Variants in TANC2 observed in about 807,000 individuals in gnomAD.
The protein encoded by TANC2 is tetratricopeptide repeat, ankyrin repeat and coiled-coil containing 2, also known as protein TANC2.
In TANC2, 26 loss-of-function variants were observed where a neutral mutation model predicts 210.5. The observed-to-expected ratio is 0.12, with a 90% CI of 0.09 to 0.17. TANC2 has a LOEUF of 0.17. Ranked by LOEUF, TANC2 falls within the 10% of genes least tolerant of loss-of-function variation. TANC2 has a pLI of 1.00. For synonymous variants in TANC2, 931 were observed against 967.1 expected (o/e 0.96, Z 0.69); for missense variants, 2,129 against 2,608.9 (o/e 0.82, Z 4.01).
At chr17:63,324,176 T>G (rs1490698819) in intron 11 of TANC2, among the ~76,000 whole-genome samples, 2 of 152,198 alleles carry the variant, frequency 1.3e-5, no homozygotes, top group African/African-American at 4.8e-5. Context: ...TCACTGACAG[T>G]CCTTAGATTA....
intron 5 of TANC2, among the ~76,000 whole-genome samples, chr17:63,167,441 T>C (rs1378567685): frequency 2.6e-5 from 4 of 152,148 alleles, no homozygotes; most frequent in African/African-American, 9.7e-5. Context: ...CAGTGAATGT[T>C]ATTTTCTTTT....
chr17:63,163,446 A>T (rs1204710580), intron 5 of TANC2, among the ~76,000 whole-genome samples: 1 of 152,158 alleles, frequency 6.6e-6, no homozygotes, highest in African/African-American at 2.4e-5. Flanking sequence ...ATCTTCAAAG[A>T]ATGAGTGGTC....
intron 7 of TANC2, among the ~76,000 whole-genome samples, chr17:63,222,243 A>C (rs151043894): frequency 6.6e-6 from 1 of 152,112 alleles, no homozygotes; most frequent in South Asian, 2.1e-4. Flanking sequence ...CCTACCTCCT[A>C]ATACCATCAC....
intron 17 of TANC2, 92 bp from the exon 18 acceptor site, chr17:63,395,650 AG>A: frequency 8.6e-7 from 1 of 1,164,174 alleles, no homozygotes. Context: ...GATGATTCTT[AG>A]TAGCCTAGGC....
At chr17:63,244,913 A>T (rs2042875464) in intron 8 of TANC2, among the ~76,000 whole-genome samples, 1 of 152,116 alleles carries the variant, frequency 6.6e-6, no homozygotes, top group South Asian at 2.1e-4. Context: ...GTCATGTAAG[A>T]GGTGACTTGC....
chr17:63,220,817 T>G (rs1314935569), intron 7 of TANC2, among the ~76,000 whole-genome samples: 1 of 149,034 alleles, frequency 6.7e-6, no homozygotes, highest in Non-Finnish European at 1.5e-5. Context: ...TATATGTATA[T>G]ATACGTGTAT....
chr17:63,267,411 A>G (rs1489421563), intron 8 of TANC2, among the ~76,000 whole-genome samples: 1 of 151,974 alleles, frequency 6.6e-6, no homozygotes, highest in East Asian at 1.9e-4. Context: ...TATTTCTTTT[A>G]TGAAGTAAGG....
rs369502208 is a variant in TANC2, at chr17:62,989,767, C to CTTTTTTT, written c.-23-19754_-23-19748dup. Reference sequence around the variant, plus strand: ...AAGCTCATAGAATAAAAAACACATGCTTTTTTTTTTTTTTTTTTTTTTGAG... The same window carrying CTTTTTTT: ...AAGCTCATAGAATAAAAAACACATGCTTTTTTTTTTTTTTTTTTTTTTTTTTTTTGAG... On this transcript the variant is annotated intron_variant, in intron 1 of 27. Coordinates refer to ENST00000689528, the Ensembl canonical transcript of TANC2. Among the ~76,000 whole-genome samples the CTTTTTTT allele has an allele frequency of 9.1e-5, 10 of 109,786 alleles. No individual in the cohort carries two copies. The East Asian group carries it at 1.4e-3, about 15-fold the overall frequency. The allele number at this position is 109,786 out of a possible 152,430, so 72.0% of individuals were successfully genotyped here. A position where few individuals can be genotyped will look rare whatever the true frequency, so the allele number is the denominator to read the frequency against.
At chr17:63,092,535 G>A (rs1328990849) in intron 3 of TANC2, among the ~76,000 whole-genome samples, 1 of 151,954 alleles carries the variant, frequency 6.6e-6, no homozygotes, top group African/African-American at 2.4e-5. Flanking sequence ...AAAGAAAAGA[G>A]GTTTAATTGG....
At chr17:63,307,883 A>T (rs535919677) in intron 9 of TANC2, among the ~76,000 whole-genome samples, 2 of 152,254 alleles carry the variant, frequency 1.3e-5, no homozygotes, top group African/African-American at 4.8e-5. Context: ...CTCCTGCCTC[A>T]GCCTCCCGAA....
chr17:62,982,340 G>T (rs564273873), intron 1 of TANC2, among the ~76,000 whole-genome samples: 12 of 152,216 alleles, frequency 7.9e-5, no homozygotes, highest in Non-Finnish European at 1.2e-4. Flanking sequence ...TATTACACAG[G>T]ATTCCCCCTT....
In TANC2 at chr17:63,022,184, CA is replaced by C. The variant is rs2034376371; in HGVS notation, c.67+12565del. The stretch of plus-strand genomic sequence containing the variant: ...TGAAACCCCATCTGTACTAAAAATA[CA>C]AAAAAAGTTAGCCGGGTATGGTGGT... On this transcript the variant is annotated intron_variant, in intron 2 of 27. Coordinates refer to ENST00000689528, the Ensembl canonical transcript of TANC2. Among the ~76,000 whole-genome samples, 5 of 151,714 alleles carry C rather than the reference CA, an allele frequency of 3.3e-5. No individual in the cohort carries two copies. In the East Asian group the frequency reaches 5.8e-4, roughly 18 times the overall value.
intron 2 of TANC2, among the ~76,000 whole-genome samples, chr17:63,026,247 T>C (rs1322807236): frequency 2.0e-5 from 3 of 152,198 alleles, no homozygotes. Flanking sequence ...TATCTGTCTT[T>C]CCTACTAGAG....
intron 5 of TANC2, among the ~76,000 whole-genome samples, chr17:63,166,872 G>T (rs1474270059): frequency 6.6e-6 from 1 of 152,076 alleles, no homozygotes; most frequent in Non-Finnish European, 1.5e-5. Context: ...TGTTCCTGTG[G>T]GGCTAAGAAT....
At chr17:63,350,924 T>C (rs2046586649) in intron 12 of TANC2, among the ~76,000 whole-genome samples, 1 of 151,416 alleles carries the variant, frequency 6.6e-6, no homozygotes, top group Non-Finnish European at 1.5e-5. Context: ...CTTTTTCATG[T>C]GTAAGAGAAA....
intron 2 of TANC2, among the ~76,000 whole-genome samples, chr17:63,037,404 C>T (rs955487174): frequency 1.3e-5 from 2 of 152,044 alleles, no homozygotes; most frequent in Non-Finnish European, 2.9e-5. Context: ...ATTTTCTGAC[C>T]GTAGTTAACT....
At chr17:63,095,846 G>A (rs534998339) in intron 3 of TANC2, among the ~76,000 whole-genome samples, 2 of 152,230 alleles carry the variant, frequency 1.3e-5, no homozygotes, top group South Asian at 4.1e-4. Flanking sequence ...ACAATTTATA[G>A]GACAAAGAAG....
chr17:63,156,452 C>T lies in TANC2; in HGVS notation c.433+5072C>T, dbSNP rs375701604. Among the ~76,000 whole-genome samples the T allele has an allele frequency of 2.0e-4, 29 of 147,752 alleles. 1 individual carries two copies. The South Asian group carries it at 6.2e-3, about 31-fold the overall frequency. On this transcript the variant is annotated intron_variant, in intron 5 of 27. Coordinates refer to ENST00000689528, the Ensembl canonical transcript of TANC2. ...AAAAAGCACCTGTTAATTATTAGAA[C>T]AACAAGAACAAAAAGCTAGAAGTTG... is the stretch of plus-strand genomic sequence containing the variant.
chr17:63,193,950 A>G (rs757311786), intron 5 of TANC2, 41 bp from the exon 6 acceptor site: 6 of 1,573,674 alleles, frequency 3.8e-6, no homozygotes, highest in Non-Finnish European at 5.2e-6. Context: ...AGACCATTTT[A>G]TTTTGAAAGA....
Sources: allele counts gnomAD v4.1 joint callset (sites outside exome capture counted in the v4.1 genomes callset), GRCh38; gene constraint gnomAD v4.1.1; transcripts MANE v1.5; gene names NCBI Gene and HGNC (gene_info 2026-07-23, HGNC 2026-07-21).